The following SSBP2 variants were observed in gnomAD, a reference collection of about 807,000 sequenced individuals.
The protein encoded by SSBP2 is single-stranded DNA-binding protein 2.
SSBP2 carries 17 observed loss-of-function variants against 61.8 expected under a neutral mutation model. That is an observed-to-expected ratio of 0.28 (90% confidence interval 0.19 to 0.41). The LOEUF (loss-of-function observed/expected upper bound fraction) is 0.41, where lower values mean the gene tolerates loss of function less well. Ranked by LOEUF, SSBP2 falls within the 10% of genes least tolerant of loss-of-function variation. The probability of loss-of-function intolerance (pLI) is 1.00; values close to 1 mark genes in which losing one functional copy is unlikely to be tolerated. For missense variants in SSBP2, 310 were observed against 458.7 expected (o/e 0.68, Z 2.96); for synonymous variants, 139 against 141.3 (o/e 0.98, Z 0.12).
chr5:81,477,170 G>T (rs1765648917), intron 6 of SSBP2, among the ~76,000 whole-genome samples: 2 of 152,174 alleles, frequency 1.3e-5, no homozygotes, highest in African/African-American at 2.4e-5. Context: ...GTGGAGGACA[G>T]CATTTAGGCA....
At chr5:81,463,552 T>G (rs894170100) in intron 9 of SSBP2, among the ~76,000 whole-genome samples, 36 of 151,928 alleles carry the variant, frequency 2.4e-4, no homozygotes, top group African/African-American at 8.7e-4. Flanking sequence ...ATACAAAAAT[T>G]AGCCGGGCGT....
At chr5:81,420,588 G>C in intron 16 of SSBP2, 55 bp from the exon 17 acceptor site, 1 of 1,407,768 alleles carries the variant, frequency 7.1e-7, no homozygotes, top group Non-Finnish European at 1.0e-6. Context: ...AGATCACTAA[G>C]GTTCTTCTTG....
At chr5:81,520,800 TTG>T (rs1769421753) in intron 4 of SSBP2, among the ~76,000 whole-genome samples, 1 of 152,140 alleles carries the variant, frequency 6.6e-6, no homozygotes, top group South Asian at 2.1e-4. Context: ...GCCCACACTG[TTG>T]TCAGTCCATT....
chr5:81,661,384 T>C (rs570658382), intron 1 of SSBP2, among the ~76,000 whole-genome samples: 1 of 152,270 alleles, frequency 6.6e-6, no homozygotes, highest in African/African-American at 2.4e-5. Flanking sequence ...GATTGCGAGA[T>C]CATATGGTAG....
chr5:81,723,956 G>A (rs1581423331), intron 1 of SSBP2, among the ~76,000 whole-genome samples: 2 of 151,830 alleles, frequency 1.3e-5, no homozygotes, highest in South Asian at 2.1e-4. Flanking sequence ...TGCCACTTGC[G>A]CTACCACTAC....
intron 14 of SSBP2, 35 bp from the exon 15 acceptor site, chr5:81,437,493 G>A (rs751902846): frequency 6.4e-6 from 10 of 1,567,534 alleles, no homozygotes; most frequent in Admixed American, 3.7e-5. Flanking sequence ...CCTTTATTAG[G>A]TAAGATTTCA....
intron 4 of SSBP2, among the ~76,000 whole-genome samples, chr5:81,572,695 A>G (rs1773925134): frequency 6.6e-6 from 1 of 152,202 alleles, no homozygotes; most frequent in Non-Finnish European, 1.5e-5. Flanking sequence ...GTATGACCAT[A>G]AACAGGAAAT....
chr5:81,488,019 A>T lies in SSBP2; in HGVS notation c.432+1231T>A, dbSNP rs1766520470. 2.0e-4 allele frequency among the ~76,000 whole-genome samples: 3 copies of T among 14,932 alleles called. No homozygotes were observed. The South Asian group carries it at 3.5e-3, about 17-fold the overall frequency. 9.8% of individuals were successfully genotyped at this position (14,932 alleles called of 152,430 possible). A position where few individuals can be genotyped will look rare whatever the true frequency, so the allele number is the denominator to read the frequency against. On this transcript the variant is annotated intron_variant, in intron 6 of 16. Transcript: ENST00000320672. ...TTGTTTATGGCCAAATAATATATAT[A>T]TATATATATATATATATATATATAT... is the stretch of plus-strand genomic sequence containing the variant.
intron 3 of SSBP2, 116 bp downstream of exon 3, chr5:81,636,441 C>A (rs1372577652): frequency 8.5e-6 from 7 of 826,654 alleles, no homozygotes; most frequent in African/African-American, 1.7e-5. Context: ...TGCTACCTTC[C>A]AGAAAATTTT....
intron 6 of SSBP2, among the ~76,000 whole-genome samples, chr5:81,482,352 C>A (rs10474030): frequency 0.12 from 18,965 of 152,020 alleles, 2,712 homozygotes; most frequent in African/African-American, 0.35. Flanking sequence ...ATCAGCCTGC[C>A]CTTTAAAGCT....
chr5:81,679,456 T>C (rs1353905908), intron 1 of SSBP2, among the ~76,000 whole-genome samples: 1 of 152,214 alleles, frequency 6.6e-6, no homozygotes, highest in Non-Finnish European at 1.5e-5. Flanking sequence ...AGGAAGGAAT[T>C]AGTAATATTT....
In SSBP2 at chr5:81,672,034, C is replaced by A. The variant is rs966989961; in HGVS notation, c.63-21695G>T. On this transcript the variant is annotated intron_variant, in intron 1 of 16. Transcript: ENST00000320672. ...TTTCATAAAATATTCTACTATTGAG[C>A]CACATTTCTTCTACACTATCAATAT... Among the ~76,000 whole-genome samples the A allele has an allele frequency of 5.9e-5, 9 of 152,192 alleles. No homozygotes were observed. The East Asian group carries it at 1.7e-3, about 29-fold the overall frequency.
At chr5:81,625,589 G>A (rs2153640166) in intron 3 of SSBP2, among the ~76,000 whole-genome samples, 1 of 152,134 alleles carries the variant, frequency 6.6e-6, no homozygotes, top group Admixed American at 6.5e-5. Context: ...AAGTATTGAA[G>A]TCTTTGATCT....
At chr5:81,503,353 C>T (rs186005439) in intron 5 of SSBP2, among the ~76,000 whole-genome samples, 25 of 152,202 alleles carry the variant, frequency 1.6e-4, no homozygotes, top group African/African-American at 5.3e-4. Context: ...ACTCGGGAGG[C>T]TGAGGCAGGA....
intron 1 of SSBP2, among the ~76,000 whole-genome samples, chr5:81,678,057 G>A (rs1752117391): frequency 1.3e-5 from 2 of 152,294 alleles, no homozygotes; most frequent in South Asian, 4.1e-4. Context: ...TGAAGAGACT[G>A]AACAAGAACC....
At chr5:81,695,055 C>T (rs1201822199) in intron 1 of SSBP2, among the ~76,000 whole-genome samples, 1 of 152,118 alleles carries the variant, frequency 6.6e-6, no homozygotes, top group Admixed American at 6.5e-5. Context: ...TGCAATGTAG[C>T]TTCAATTACA....
chr5:81,567,921 T>C (rs1364969707), intron 4 of SSBP2, among the ~76,000 whole-genome samples: 2 of 152,244 alleles, frequency 1.3e-5, no homozygotes, highest in Non-Finnish European at 2.9e-5. Context: ...ATTTGCCCAA[T>C]GTCTGTACCC....
At chr5:81,667,652 C>T (rs1204524946) in intron 1 of SSBP2, among the ~76,000 whole-genome samples, 1 of 151,828 alleles carries the variant, frequency 6.6e-6, no homozygotes, top group African/African-American at 2.4e-5. Flanking sequence ...AGATAAGTTA[C>T]CTCCCTCAAA....
chr5:81,513,308 T>C (rs1470554417), intron 5 of SSBP2, among the ~76,000 whole-genome samples: 2 of 152,132 alleles, frequency 1.3e-5, no homozygotes, highest in African/African-American at 4.8e-5. Context: ...TATCCATCTC[T>C]TTCCAGAACC....
Sources: gnomAD v4.1 joint callset for allele counts (sites outside exome capture counted in the v4.1 genomes callset) on GRCh38, gnomAD v4.1.1 for gene constraint, MANE v1.5 for transcripts, NCBI Gene and HGNC (gene_info 2026-07-23, HGNC 2026-07-21) for gene names.